The following GRIA4 variants were observed in gnomAD, a reference collection of about 807,000 sequenced individuals.
GRIA4 encodes glutamate ionotropic receptor AMPA type subunit 4, also known as glutamate receptor 4.
GRIA4 carries 34 observed loss-of-function variants against 104.0 expected under a neutral mutation model. That is an observed-to-expected ratio of 0.33 (90% CI 0.25 to 0.44). The LOEUF is 0.44. GRIA4 is among the 20% of genes least tolerant of loss of function. GRIA4 has a pLI of 1.00. For synonymous variants in GRIA4, 386 were observed against 381.9 expected (o/e 1.01, Z -0.13); for missense variants, 750 against 1,096.5 (o/e 0.68, Z 4.46).
chr11:105,754,082 G>A (rs1294044818), intron 4 of GRIA4, among the ~76,000 whole-genome samples: 1 of 152,074 alleles, frequency 6.6e-6, no homozygotes, highest in Non-Finnish European at 1.5e-5. Context: ...GTTGGTGTAT[G>A]GGGCTAAAAG....
intron 4 of GRIA4, 99 bp downstream of exon 4, chr11:105,753,319 C>T (rs1940116229): frequency 9.5e-7 from 1 of 1,052,786 alleles, no homozygotes; most frequent in Non-Finnish European, 1.4e-6. Flanking sequence ...TGATCTCTAA[C>T]ATCACTAAAA....
intron 3 of GRIA4, among the ~76,000 whole-genome samples, chr11:105,669,427 T>C (rs1054282542): frequency 2.0e-5 from 3 of 152,058 alleles, no homozygotes; most frequent in Non-Finnish European, 4.4e-5. Flanking sequence ...AATAAAACAA[T>C]ACTATAATTT....
intron 4 of GRIA4, among the ~76,000 whole-genome samples, chr11:105,766,312 G>A (rs947738244): frequency 6.6e-6 from 1 of 152,198 alleles, no homozygotes; most frequent in Admixed American, 6.5e-5. Context: ...ATGAAGAAAA[G>A]AAAATTATTC....
At chr11:105,639,781 T>C (rs1376318443) in intron 3 of GRIA4, among the ~76,000 whole-genome samples, 1 of 151,988 alleles carries the variant, frequency 6.6e-6, no homozygotes, top group Non-Finnish European at 1.5e-5. Flanking sequence ...TCTTTTTAGT[T>C]AGTGTCCAGT....
At chr11:105,769,828 A>G (rs1191613699) in intron 4 of GRIA4, among the ~76,000 whole-genome samples, 1 of 152,100 alleles carries the variant, frequency 6.6e-6, no homozygotes, top group African/African-American at 2.4e-5. Flanking sequence ...GTAGGTGTCA[A>G]TTACATGAGT....
intron 4 of GRIA4, among the ~76,000 whole-genome samples, chr11:105,765,151 G>T (rs76498073): frequency 0.01 from 1,586 of 152,274 alleles, 28 homozygotes; most frequent in African/African-American, 0.036. Context: ...ATCAAAAAAT[G>T]AATTCAAACA....
chr11:105,916,658 C>T (rs1947415267), intron 10 of GRIA4, among the ~76,000 whole-genome samples: 1 of 152,160 alleles, frequency 6.6e-6, no homozygotes, highest in Admixed American at 6.6e-5. Context: ...ATGTAGAGGG[C>T]ATTTAGCAAA....
intron 3 of GRIA4, among the ~76,000 whole-genome samples, chr11:105,690,370 G>T (rs1364229115): frequency 1.3e-5 from 2 of 152,132 alleles, no homozygotes; most frequent in East Asian, 3.9e-4. Flanking sequence ...GGAATTGATA[G>T]TGTTTGGACA....
intron 14 of GRIA4, among the ~76,000 whole-genome samples, chr11:105,943,024 T>C (rs1179764010): frequency 6.6e-6 from 1 of 152,128 alleles, no homozygotes; most frequent in African/African-American, 2.4e-5. Context: ...TTCTGAGTCT[T>C]ACCCTAGGCT....
At chr11:105,752,696 AT>A (rs1012393923) in intron 3 of GRIA4, among the ~76,000 whole-genome samples, 3 of 151,908 alleles carry the variant, frequency 2.0e-5, no homozygotes, top group African/African-American at 2.4e-5. Context: ...GGAAGGCCAT[AT>A]TTTTTTTATT....
intron 4 of GRIA4, among the ~76,000 whole-genome samples, chr11:105,850,957 A>C (rs1944787819): frequency 6.6e-6 from 1 of 152,284 alleles, no homozygotes; most frequent in South Asian, 2.1e-4. Context: ...GAGGAGAATA[A>C]AAAGCAGACT....
At chr11:105,632,022 G>A (rs1951047496) in intron 3 of GRIA4, among the ~76,000 whole-genome samples, 1 of 152,046 alleles carries the variant, frequency 6.6e-6, no homozygotes, top group Admixed American at 6.6e-5. Flanking sequence ...AGTGTTGGAG[G>A]GAGGGAAAAC....
intron 3 of GRIA4, among the ~76,000 whole-genome samples, chr11:105,695,432 G>A (rs1430354348): frequency 6.6e-6 from 1 of 151,664 alleles, no homozygotes; most frequent in African/African-American, 2.4e-5. Context: ...GAGAGAGAGA[G>A]AGTGTATGCG....
At chr11:105,815,151 C>A (rs1943326386) in intron 4 of GRIA4, among the ~76,000 whole-genome samples, 1 of 152,122 alleles carries the variant, frequency 6.6e-6, no homozygotes, top group African/African-American at 2.4e-5. Flanking sequence ...AGGCTCTGAA[C>A]CAAACAATAC....
intron 6 of GRIA4, among the ~76,000 whole-genome samples, 197 bp downstream of exon 6, chr11:105,887,769 T>A (rs535294173): frequency 6.6e-6 from 1 of 152,316 alleles, no homozygotes; most frequent in South Asian, 2.1e-4. Context: ...TAGCTTGGTA[T>A]CTGCTAAAGA....
intron 3 of GRIA4, among the ~76,000 whole-genome samples, chr11:105,654,282 A>G (rs1346094748): frequency 6.6e-6 from 1 of 151,876 alleles, no homozygotes; most frequent in East Asian, 1.9e-4. Context: ...GATCTATAGT[A>G]CAACATGCTG....
At chr11:105,718,962 A>G (rs1954199938) in intron 3 of GRIA4, among the ~76,000 whole-genome samples, 2 of 152,092 alleles carry the variant, frequency 1.3e-5, no homozygotes, top group South Asian at 4.1e-4. Flanking sequence ...ATGAGCTTAC[A>G]TCAGAGTTAT....
chr11:105,749,714 T>A (rs1441566992), intron 3 of GRIA4, among the ~76,000 whole-genome samples: 4 of 152,196 alleles, frequency 2.6e-5, no homozygotes, highest in Non-Finnish European at 5.9e-5. Context: ...ATTTAATTAG[T>A]TGACACAATC....
intron 3 of GRIA4, among the ~76,000 whole-genome samples, chr11:105,634,529 A>AAAAG (rs57953247): frequency 0.13 from 11,551 of 86,326 alleles, 919 homozygotes; most frequent in African/African-American, 0.2. Flanking sequence ...AGAAAGAAAG[A>AAAAG]AAAGAAAGAA....
Sources: gnomAD v4.1 joint callset for allele counts (sites outside exome capture counted in the v4.1 genomes callset) on GRCh38, gnomAD v4.1.1 for gene constraint, MANE v1.5 for transcripts, NCBI Gene and HGNC (gene_info 2026-07-23, HGNC 2026-07-21) for gene names.